Variants in TMEM63A observed in about 807,000 individuals in gnomAD.
TMEM63A encodes the protein transmembrane protein 63A.
A neutral mutation model predicts 100.6 loss-of-function variants in TMEM63A; 76 were observed. The ratio of observed to expected loss-of-function variants is 0.76; its 90% confidence interval spans 0.63 to 0.91. The LOEUF is 0.91. Among genes scored for constraint, TMEM63A ranks in the 40% least tolerant of loss-of-function variants. The probability of loss-of-function intolerance (pLI) is 0.00; values close to 1 mark genes in which losing one functional copy is unlikely to be tolerated. For synonymous variants in TMEM63A, 401 were observed against 401.1 expected (o/e 1.00, Z 0.00); for missense variants, 876 against 1,008.8 (o/e 0.87, Z 1.78).
At chr1:225,876,673 C>T (rs376026150) in intron 3 of TMEM63A, among the ~76,000 whole-genome samples, 9 of 150,082 alleles carry the variant, frequency 6.0e-5, no homozygotes, top group African/African-American at 1.5e-4. Context: ...TTTGAGACAG[C>T]GTCTCGCTCT....
At chr1:225,868,064 T>C in intron 6 of TMEM63A, 34 bp from the exon 7 acceptor site, 1 of 1,612,388 alleles carries the variant, frequency 6.2e-7, no homozygotes, top group East Asian at 2.2e-5. Context: ...TAATGAGCAG[T>C]GGAACAGGCC....
intron 2 of TMEM63A, 51 bp from the exon 3 acceptor site, chr1:225,877,645 T>G: frequency 6.5e-7 from 1 of 1,529,638 alleles, no homozygotes. Flanking sequence ...TCAAATTTCT[T>G]GCAGGTTCCC....
At chr1:225,871,152 G>C in intron 5 of TMEM63A, 39 bp from the exon 6 acceptor site, 2 of 1,605,874 alleles carry the variant, frequency 1.2e-6, no homozygotes, top group African/African-American at 1.3e-5. Context: ...TCCAACATTT[G>C]TGTCTTTGAG....
chr1:225,873,885 A>G (rs912889476), intron 4 of TMEM63A, among the ~76,000 whole-genome samples: 1 of 152,248 alleles, frequency 6.6e-6, no homozygotes, highest in African/African-American at 2.4e-5. Context: ...GAAAGCCCTC[A>G]GTATCTAAAG....
At chr1:225,849,377 G>A (rs1263683693) in intron 21 of TMEM63A, among the ~76,000 whole-genome samples, 1 of 152,138 alleles carries the variant, frequency 6.6e-6, no homozygotes, top group Non-Finnish European at 1.5e-5. Flanking sequence ...GTCTGACCGG[G>A]GCAGACGTGT....
Position 225,865,578 on chromosome 1 carries a change from C to T in TMEM63A, c.746+319G>A, listed in dbSNP as rs1026229073. The stretch of plus-strand genomic sequence containing the variant: ...ATTCTGCAAAGGTGATGCTAAGAAC[C>T]CCGGGGTCAACAATTTTTTCCCCCG... On this transcript the variant is annotated intron_variant, in intron 10 of 24. Coordinates refer to ENST00000366835, the MANE Select transcript of TMEM63A (RefSeq NM_014698.3). This position sits in a 1 kb window ranked among gnomAD's most constrained non-coding sequence, Gnocchi z 4.6. 2 of 279,312 alleles carry T rather than the reference C, an allele frequency of 7.2e-6. No individual in the cohort carries two copies. The highest frequency in any genetic ancestry group is 4.2e-5 in the African/African-American group (2 of 47,150). 17.3% of individuals were successfully genotyped at this position (279,312 alleles called of 1,614,324 possible). A position where few individuals can be genotyped will look rare whatever the true frequency, so the allele number is the denominator to read the frequency against.
chr1:225,880,708 A>T (rs550315062), intron 1 of TMEM63A, among the ~76,000 whole-genome samples: 2 of 152,296 alleles, frequency 1.3e-5, no homozygotes, highest in South Asian at 4.1e-4. Context: ...CACGCTCCCA[A>T]CCCAAAGTTC....
In TMEM63A at chr1:225,865,859, G is replaced by A. The variant is rs754548814; in HGVS notation, c.746+38C>T. On this transcript the variant is annotated intron_variant, in intron 10 of 24. Coordinates refer to ENST00000366835, the MANE Select transcript of TMEM63A (RefSeq NM_014698.3). The surrounding 1 kb of genome is among the most constrained non-coding windows in gnomAD (Gnocchi z 4.6). Reference sequence around the variant, plus strand: ...GGGTGGGGCTGTGTTGGTCCTACGTGGAGGGGGCTCAGCTCCCCTCCCACC... The same window carrying A: ...GGGTGGGGCTGTGTTGGTCCTACGTAGAGGGGGCTCAGCTCCCCTCCCACC... 6.2e-6 allele frequency: 10 copies of A among 1,608,526 alleles called. No homozygotes were observed. The South Asian group carries it at 1.1e-4, about 18-fold the overall frequency.
In TMEM63A at chr1:225,855,858, C is replaced by T. The variant is rs774382937; in HGVS notation, c.1634+20G>A. 14 of 1,613,440 alleles carry T rather than the reference C, an allele frequency of 8.7e-6. No homozygotes were observed. The Admixed American group carries it at 1.7e-4, about 19-fold the overall frequency. ...TTCACCCAGGGCCATGGCTCCAGAA[C>T]TCAACTTGGCAATACTCACTCCAAC... On this transcript the variant is annotated intron_variant, in intron 18 of 24. Coordinates refer to ENST00000366835, the MANE Select transcript of TMEM63A (RefSeq NM_014698.3).
chr1:225,877,800 T>G, intron 2 of TMEM63A: 1 of 514,000 alleles, frequency 1.9e-6, no homozygotes, highest in Non-Finnish European at 3.5e-6. Context: ...TGGGACAATC[T>G]CAGGGGATCA....
intron 20 of TMEM63A, among the ~76,000 whole-genome samples, chr1:225,850,624 C>T (rs1028112315): frequency 2.0e-5 from 3 of 152,170 alleles, no homozygotes; most frequent in African/African-American, 4.8e-5. Context: ...TAAATAAATG[C>T]GAACTTCGCC....
chr1:225,857,379 C>CGGGGGGGGGGG (rs369068747), intron 15 of TMEM63A, among the ~76,000 whole-genome samples: 14 of 112,738 alleles, frequency 1.2e-4, no homozygotes, highest in East Asian at 6.7e-4. Flanking sequence ...TCCTGGCCGG[C>CGGGGGGGGGGG]GGGGCGGGGG....
In TMEM63A at chr1:225,874,387, C is replaced by G. The variant is rs1670671447; in HGVS notation, c.187-20G>C. ...TAAGAACTAAAAACAGAAAAGAAAC[C>G]AAGTAAAAGCATATTGGATGGCTTC... On this transcript the variant is annotated intron_variant, in intron 3 of 24. Transcript: ENST00000366835. The G allele has an allele frequency of 2.5e-6, 4 of 1,605,342 alleles. No individual in the cohort carries two copies. Among genetic ancestry groups the G allele is most frequent in the Non-Finnish European group, 3.4e-6 (4 of 1,174,224 alleles).
chr1:225,871,313 C>A (rs908097860), intron 5 of TMEM63A, among the ~76,000 whole-genome samples, 200 bp from the exon 6 acceptor site: 18 of 152,232 alleles, frequency 1.2e-4, no homozygotes, highest in Non-Finnish European at 2.1e-4. Flanking sequence ...AATCTCCTGA[C>A]AACTTCGTGG....
intron 19 of TMEM63A, 30 bp from the exon 20 acceptor site, chr1:225,852,799 G>C: frequency 6.3e-7 from 1 of 1,595,990 alleles, no homozygotes; most frequent in Non-Finnish European, 8.6e-7. Context: ...AGGAGCTCAT[G>C]GACTTGTTCC....
In TMEM63A at chr1:225,849,970, G is replaced by A; in HGVS notation, c.2013C>T (p.Ala671=). The A allele has an allele frequency of 6.2e-7, 1 of 1,614,226 alleles. No homozygotes were observed. The highest frequency in any genetic ancestry group is 1.1e-5 in the South Asian group (1 of 91,090). ...KGIHFAAVNQ[A]LAAPILCLFW... ...AGAGGCACAGGATGGGGGCTGCCAA[G>A]GCCTGGTTCACAGCGGCAAAGTGGA... The change falls in exon 21 of 25, where the codon GCC becomes GCT. Residue 671 remains alanine, a synonymous_variant. Coordinates refer to ENST00000366835, the MANE Select transcript of TMEM63A (RefSeq NM_014698.3).
In TMEM63A at chr1:225,874,497, A is replaced by G; in HGVS notation, c.187-130T>C. On this transcript the variant is annotated intron_variant, in intron 3 of 24. Coordinates refer to ENST00000366835, the MANE Select transcript of TMEM63A (RefSeq NM_014698.3). ...AGAAGGAAAACACCCAGGCCCAGAG[A>G]GGGCACTGAAGTGCCCAAGGCCATG... The G allele has an allele frequency of 2.8e-6, 2 of 718,500 alleles. 1 individual carries two copies. The highest frequency in any genetic ancestry group is 3.7e-5 in the South Asian group (2 of 53,634). The allele number at this position is 718,500 out of a possible 1,614,324, so 44.5% of individuals were successfully genotyped here. A position where few individuals can be genotyped will look rare whatever the true frequency, so the allele number is the denominator to read the frequency against.
intron 6 of TMEM63A, among the ~76,000 whole-genome samples, chr1:225,869,492 T>G (rs748033821): frequency 1.3e-5 from 2 of 152,106 alleles, no homozygotes; most frequent in Non-Finnish European, 2.9e-5. Flanking sequence ...TACAACATGC[T>G]CTCACATGTA....
Position 225,853,851 on chromosome 1 carries a change from G to T in TMEM63A, c.1635-60C>A, listed in dbSNP as rs1168365649. 3 of 1,483,900 alleles carry T rather than the reference G, an allele frequency of 2.0e-6. No homozygotes were observed. In the African/African-American group the frequency reaches 4.2e-5, roughly 21 times the overall value. 91.9% of individuals were successfully genotyped at this position (1,483,900 alleles called of 1,614,324 possible). On this transcript the variant is annotated intron_variant, in intron 18 of 24. Transcript: ENST00000366835. The surrounding 1 kb of genome is among the most constrained non-coding windows in gnomAD (Gnocchi z 4.0). ...AGCCGCTCTTGGAGGGAGAGGAGGG[G>T]CCCCTAGGCTGGGCAGGAGCAGAAA...
Sources: gnomAD v4.1 joint callset for allele counts (sites outside exome capture counted in the v4.1 genomes callset) on GRCh38, gnomAD v4.1.1 for gene constraint, Gnocchi (gnomAD v3.1) non-coding constraint, MANE v1.5 for transcripts, NCBI Gene and HGNC (gene_info 2026-07-23, HGNC 2026-07-21) for gene names.